Variants in ITGA4 observed in about 807,000 individuals in gnomAD.
ITGA4 encodes the protein integrin alpha-4.
Under a neutral mutation model 133.6 loss-of-function variants are expected in ITGA4, and 63 were observed. That is an observed-to-expected ratio of 0.47 (90% CI 0.38 to 0.58). The LOEUF is 0.58. ITGA4 is among the 20% of genes least tolerant of loss of function. The pLI is 0.00. For synonymous variants in ITGA4, 483 were observed against 438.0 expected, an observed-to-expected ratio of 1.10 and a Z score of -1.28; for missense variants, 1,076 against 1,252.7, an observed-to-expected ratio of 0.86 and a Z score of 2.13.
At position 181,522,183 on chromosome 2, in the gene ITGA4, A is replaced by G; in HGVS notation, c.1923-8A>G. On this transcript the variant is annotated splice_region_variant and splice_polypyrimidine_tract_variant and intron_variant, in intron 17 of 27. Coordinates refer to ENST00000397033, the MANE Select transcript of ITGA4 (RefSeq NM_000885.6). ...AACAAGAACTAAATAATATTACTTA[A>G]TTTTTAGGCCCCATGAAAATAAAAC... is the stretch of plus-strand genomic sequence containing the variant. The G allele has an allele frequency of 6.5e-7, 1 of 1,538,790 alleles. No individual in the cohort carries two copies. Among genetic ancestry groups the G allele is most frequent in the Non-Finnish European group, 8.9e-7 (1 of 1,127,112 alleles).
chr2:181,457,906 C>G, intron 1 of ITGA4, 55 bp downstream of exon 1: 1 of 1,475,534 alleles, frequency 6.8e-7, no homozygotes, highest in African/African-American at 1.4e-5. Context: ...GTGAGAATGG[C>G]GCCCTAGGGA....
intron 22 of ITGA4, 32 bp downstream of exon 22, chr2:181,527,419 A>G (rs1686856171): frequency 7.1e-7 from 1 of 1,404,660 alleles, no homozygotes; most frequent in Admixed American, 1.7e-5. Context: ...AATATTTGTA[A>G]CAACCTAAAA....
At chr2:181,535,097 T>C (rs189133590) in intron 27 of ITGA4, among the ~76,000 whole-genome samples, 162 bp downstream of exon 27, 159 of 152,220 alleles carry the variant, frequency 1.0e-3, no homozygotes, top group Non-Finnish European at 1.3e-3. Context: ...CCAAAGTCTT[T>C]CTAGAAAAAT....
chr2:181,530,017 CTTTT>C (rs900621022), intron 23 of ITGA4, among the ~76,000 whole-genome samples: 1 of 152,090 alleles, frequency 6.6e-6, no homozygotes, highest in South Asian at 2.1e-4. Flanking sequence ...GGATTATAGC[CTTTT>C]TTTAAGGAAG....
chr2:181,498,570 C>T (rs1574398026), intron 14 of ITGA4, 53 bp from the exon 15 acceptor site: 1 of 1,132,136 alleles, frequency 8.8e-7, no homozygotes, highest in Non-Finnish European at 1.3e-6. Context: ...TCAAAAATAA[C>T]AATAGATGTA....
chr2:181,496,396 GC>G (rs1686159799), intron 14 of ITGA4, among the ~76,000 whole-genome samples: 1 of 151,974 alleles, frequency 6.6e-6, no homozygotes, highest in Admixed American at 6.6e-5. Context: ...CTGCATTCCA[GC>G]CCGGGCAATG....
At chr2:181,503,497 C>G (rs1384636541) in intron 15 of ITGA4, among the ~76,000 whole-genome samples, 1 of 149,334 alleles carries the variant, frequency 6.7e-6, no homozygotes, top group Non-Finnish European at 1.5e-5. Flanking sequence ...AAGAGTATCA[C>G]ACAGGATTAC....
At chr2:181,458,376 C>T (rs745707885) in intron 2 of ITGA4, 59 bp downstream of exon 2, 346 of 1,576,778 alleles carry the variant, frequency 2.2e-4, no homozygotes, top group Non-Finnish European at 2.9e-4. Context: ...TGGACCCCAC[C>T]ATAGGGCAAG....
chr2:181,480,343 T>C, intron 6 of ITGA4, 77 bp downstream of exon 6: 2 of 806,378 alleles, frequency 2.5e-6, no homozygotes, highest in Non-Finnish European at 3.6e-6. Flanking sequence ...AAGGAAAATG[T>C]ATTTTCCAAA....
Position 181,482,430 on chromosome 2 carries a change from G to A in ITGA4, c.903+8G>A. ...GAAATGAAAGGTAAAAAGGTAATATGTCTCTACCTTTAGTATCTCTGTGGG... is the reference window on the plus strand; with the variant it reads ...GAAATGAAAGGTAAAAAGGTAATATATCTCTACCTTTAGTATCTCTGTGGG... On this transcript the variant is annotated splice_region_variant and intron_variant, in intron 8 of 27. Transcript: ENST00000397033. 6 of 1,613,210 alleles carry A rather than the reference G, an allele frequency of 3.7e-6. No homozygotes were observed. The highest frequency in any genetic ancestry group is 3.3e-5 in the Admixed American group (2 of 59,908).
chr2:181,482,773 A>T (rs927148054), intron 9 of ITGA4, 122 bp downstream of exon 9: 2 of 827,580 alleles, frequency 2.4e-6, no homozygotes, highest in Non-Finnish European at 3.9e-6. Flanking sequence ...TTAAAATTCT[A>T]ATACTGTACT....
At chr2:181,527,451 C>T (rs1011605010) in intron 22 of ITGA4, 64 bp downstream of exon 22, 1 of 1,100,742 alleles carries the variant, frequency 9.1e-7, no homozygotes, top group South Asian at 1.3e-5. Context: ...ATGCATTGCT[C>T]CAAGGGACAT....
Position 181,534,914 on chromosome 2 carries a change from G to T in ITGA4, c.2982G>T (p.Leu994Phe). ...SLLLGLIVLL[L>F]ISYVMWKAGF... ...TACTTGGACTTATTGTACTTCTATT[G>T]ATCTCATATGTTATGTGGAAGGTAA... The change falls in exon 27 of 28, where the codon TTG (leucine) becomes TTT (phenylalanine). Residue 994 changes from leucine (L) to phenylalanine (F), a missense_variant. By Grantham distance (22) the Leu-to-Phe change is conservative. Around this residue, in one of 4 missense-constraint regions of ITGA4, gnomAD observed 193 missense variants for 172.3 expected, o/e 1.12. Transcript: ENST00000397033. The T allele has an allele frequency of 1.3e-6, 2 of 1,582,164 alleles. No homozygotes were observed. The highest frequency in any genetic ancestry group is 1.2e-5 in the South Asian group (1 of 84,630).
chr2:181,492,118 C>T (rs2105742548), intron 10 of ITGA4, among the ~76,000 whole-genome samples: 1 of 152,334 alleles, frequency 6.6e-6, no homozygotes, highest in East Asian at 1.9e-4. Context: ...CCTGTTTTGC[C>T]AGCTCCTGGC....
chr2:181,509,963 A>G, intron 16 of ITGA4, 156 bp downstream of exon 16: 1 of 578,834 alleles, frequency 1.7e-6, no homozygotes, highest in African/African-American at 1.9e-5. Context: ...TAAATTGTTT[A>G]TATTCCCTTT....
At chr2:181,528,788 C>A (rs1686884691) in intron 22 of ITGA4, among the ~76,000 whole-genome samples, 1 of 152,194 alleles carries the variant, frequency 6.6e-6, no homozygotes, top group South Asian at 2.1e-4. Context: ...GCATCTCTTT[C>A]TGACTTACTG....
chr2:181,533,812 A>G (rs1686995621), intron 25 of ITGA4, among the ~76,000 whole-genome samples: 2 of 152,194 alleles, frequency 1.3e-5, no homozygotes, highest in Admixed American at 1.3e-4. Context: ...TAGAATTTAT[A>G]AAGCCCTTCT....
chr2:181,532,934 T>G (rs1345580355), intron 25 of ITGA4, among the ~76,000 whole-genome samples: 1 of 152,016 alleles, frequency 6.6e-6, no homozygotes, highest in Non-Finnish European at 1.5e-5. Context: ...TTATTGAGAG[T>G]TTTTAGCATG....
At chr2:181,464,761 G>T (rs1423587010) in intron 2 of ITGA4, among the ~76,000 whole-genome samples, 1 of 152,030 alleles carries the variant, frequency 6.6e-6, no homozygotes, top group Non-Finnish European at 1.5e-5. Flanking sequence ...CTCATATCAG[G>T]TAGTTCAGAC....
Sources: allele counts gnomAD v4.1 joint callset (sites outside exome capture counted in the v4.1 genomes callset), GRCh38; gene constraint gnomAD v4.1.1; regional missense constraint gnomAD v4.1.1; transcripts MANE v1.5; gene names NCBI Gene and HGNC (gene_info 2026-07-23, HGNC 2026-07-21).